The following PDE3B variants were observed in gnomAD, a reference collection of about 807,000 sequenced individuals.
PDE3B encodes phosphodiesterase 3B, also known as cGMP-inhibited 3',5'-cyclic phosphodiesterase 3B.
In PDE3B, 66 loss-of-function variants were observed where a neutral mutation model predicts 116.8. That is an observed-to-expected ratio of 0.56 (90% CI 0.46 to 0.69). The LOEUF is 0.69. Ranked by LOEUF, PDE3B falls within the 30% of genes least tolerant of loss-of-function variation. The pLI, the probability that PDE3B is intolerant of heterozygous loss-of-function variation, is 0.00. For missense variants in PDE3B, 1,384 were observed against 1,368.1 expected, an observed-to-expected ratio of 1.01 and a Z score of -0.18; for synonymous variants, 595 against 533.6, an observed-to-expected ratio of 1.12 and a Z score of -1.59.
At chr11:14,748,822 A>C (rs754758686) in intron 1 of PDE3B, among the ~76,000 whole-genome samples, 20 of 152,088 alleles carry the variant, frequency 1.3e-4, no homozygotes, top group Non-Finnish European at 8.8e-5. Context: ...ACCCATACTA[A>C]AATGATACTA....
At chr11:14,778,485 G>A (rs1310937569) in intron 2 of PDE3B, among the ~76,000 whole-genome samples, 1 of 152,204 alleles carries the variant, frequency 6.6e-6, no homozygotes, top group Non-Finnish European at 1.5e-5. Flanking sequence ...GGAACGATCA[G>A]GCAGCAACAT....
chr11:14,723,633 C>T (rs564164893), intron 1 of PDE3B, among the ~76,000 whole-genome samples: 2 of 151,912 alleles, frequency 1.3e-5, no homozygotes, highest in Non-Finnish European at 2.9e-5. Flanking sequence ...TGATGATGCA[C>T]ACCTCTAGTC....
At chr11:14,679,282 A>T (rs1192687091) in intron 1 of PDE3B, among the ~76,000 whole-genome samples, 1 of 152,044 alleles carries the variant, frequency 6.6e-6, no homozygotes, top group Non-Finnish European at 1.5e-5. Flanking sequence ...AATCACATTA[A>T]ATTAGTAGAA....
intron 5 of PDE3B, among the ~76,000 whole-genome samples, chr11:14,810,058 G>C (rs911208749): frequency 5.9e-5 from 9 of 151,906 alleles, no homozygotes; most frequent in Non-Finnish European, 8.8e-5. Flanking sequence ...CAATTTAGGT[G>C]TTCAAAATGG....
At chr11:14,698,232 C>CT (rs1554982870) in intron 1 of PDE3B, among the ~76,000 whole-genome samples, 2 of 151,486 alleles carry the variant, frequency 1.3e-5, no homozygotes. Flanking sequence ...TTACCAAGAG[C>CT]TTTTTTTAAA....
chr11:14,689,655 C>A (rs1464670023), intron 1 of PDE3B, among the ~76,000 whole-genome samples: 1 of 152,100 alleles, frequency 6.6e-6, no homozygotes, highest in Non-Finnish European at 1.5e-5. Flanking sequence ...AAGACAAGGA[C>A]TGTGGGGGAA....
downstream of PDE3B, among the ~76,000 whole-genome samples, chr11:14,876,693 C>A (rs1020232338): frequency 9.2e-5 from 14 of 152,200 alleles, no homozygotes; most frequent in Non-Finnish European, 1.3e-4. Context: ...ACGATCTAAG[C>A]TTGCTTTCTC....
intron 1 of PDE3B, among the ~76,000 whole-genome samples, chr11:14,721,136 A>G (rs1427207801): frequency 6.6e-6 from 1 of 151,090 alleles, no homozygotes; most frequent in Non-Finnish European, 1.5e-5. Context: ...ACACTTCTCA[A>G]AAGAAGACAT....
intron 4 of PDE3B, among the ~76,000 whole-genome samples, chr11:14,792,077 T>C (rs1184292626): frequency 6.6e-6 from 1 of 152,144 alleles, no homozygotes; most frequent in Non-Finnish European, 1.5e-5. Context: ...GTCTAGTCAT[T>C]GCATTTTTGG....
rs370029088 is a variant in PDE3B at position 14,644,474 on chromosome 11, C to T, written c.399C>T (p.Thr133=). The T allele has an allele frequency of 4.3e-5, 70 of 1,613,076 alleles. No individual in the cohort carries two copies. In the East Asian group the frequency reaches 1.5e-3, roughly 34 times the overall value. Residue 133 remains threonine, a synonymous_variant, in exon 1 of 16, where the codon ACC becomes ACT. Transcript: ENST00000282096. ...TCGCCTGTGCCTTCTTCTTCCTCAC[C>T]TGCTTCCTCACCCGGACCAAGCGGG... ...FSIACAFFFL[T]CFLTRTKRGP... is the part of the protein sequence containing the mutation.
intron 7 of PDE3B, among the ~76,000 whole-genome samples, chr11:14,822,211 T>G (rs1051196646): frequency 6.6e-6 from 1 of 152,136 alleles, no homozygotes; most frequent in Admixed American, 6.6e-5. Context: ...CCAAGATCTC[T>G]TTTTACAAAA....
At chr11:14,801,640 C>T (rs1858769397) in intron 4 of PDE3B, among the ~76,000 whole-genome samples, 1 of 152,216 alleles carries the variant, frequency 6.6e-6, no homozygotes, top group Non-Finnish European at 1.5e-5. Flanking sequence ...GGTAGTCTGA[C>T]CCTTAGCAGA....
chr11:14,671,866 A>G (rs1854377246), intron 1 of PDE3B, among the ~76,000 whole-genome samples: 1 of 151,916 alleles, frequency 6.6e-6, no homozygotes, highest in South Asian at 2.1e-4. Context: ...TGTTTTTACA[A>G]ATAATTAAAA....
intron 5 of PDE3B, among the ~76,000 whole-genome samples, chr11:14,817,374 A>G (rs1452500779): frequency 6.6e-6 from 1 of 152,148 alleles, no homozygotes; most frequent in Non-Finnish European, 1.5e-5. Context: ...AACATGGCAC[A>G]TGTATACATA....
chr11:14,767,491 G>A (rs12577507), intron 1 of PDE3B, among the ~76,000 whole-genome samples: 18,044 of 151,262 alleles, frequency 0.12, 1,371 homozygotes, highest in African/African-American at 0.22. Context: ...CAATATCTTA[G>A]GCTTTAAAAA....
chr11:14,716,039 G>C (rs1212298706), intron 1 of PDE3B, among the ~76,000 whole-genome samples: 1 of 152,194 alleles, frequency 6.6e-6, no homozygotes, highest in African/African-American at 2.4e-5. Flanking sequence ...GTGCCAGACA[G>C]TGGGCGCAGG....
intron 1 of PDE3B, among the ~76,000 whole-genome samples, chr11:14,715,969 C>A (rs11820798): frequency 6.6e-6 from 1 of 152,180 alleles, no homozygotes; most frequent in African/African-American, 2.4e-5. Context: ...GCGTGAGCGA[C>A]GCAGAAGACA....
At chr11:14,882,506 A>C in the PDE3B span, among the ~76,000 whole-genome samples, 1 of 152,150 alleles carries the variant, frequency 6.6e-6, no homozygotes, top group Non-Finnish European at 1.5e-5. Flanking sequence ...AGCACTGTTT[A>C]TAAAAACCCT....
At chr11:14,702,729 C>T (rs1234690530) in intron 1 of PDE3B, among the ~76,000 whole-genome samples, 1 of 151,886 alleles carries the variant, frequency 6.6e-6, no homozygotes, top group East Asian at 1.9e-4. Context: ...AGATGTAGAA[C>T]ATTAGACAGT....
Sources: allele counts gnomAD v4.1 joint callset (sites outside exome capture counted in the v4.1 genomes callset), GRCh38; gene constraint gnomAD v4.1.1; transcripts MANE v1.5; gene names NCBI Gene and HGNC (gene_info 2026-07-23, HGNC 2026-07-21).